Variants in SPEF2 observed in about 807,000 individuals in gnomAD.
The protein encoded by SPEF2 is sperm flagella and cilia-associated protein 2.
In SPEF2, 187 loss-of-function variants were observed where a neutral mutation model predicts 224.6. That is an observed-to-expected ratio of 0.83 (90% CI 0.74 to 0.94). The LOEUF (loss-of-function observed/expected upper bound fraction) is 0.94. Among genes scored for constraint, SPEF2 ranks in the 40% least tolerant of loss-of-function variants. The pLI, the probability that SPEF2 is intolerant of heterozygous loss-of-function variation, is 0.00. For synonymous variants in SPEF2, 715 were observed against 707.3 expected (o/e 1.01, Z -0.17); for missense variants, 2,170 against 2,135.6 (o/e 1.02, Z -0.32).
chr5:35,808,298 G>A (rs1432963402), intron 36 of SPEF2: 7 of 410,288 alleles, frequency 1.7e-5, no homozygotes, highest in African/African-American at 8.7e-5. Flanking sequence ...TGTGCACAAC[G>A]TGCAGGTTTG....
intron 2 of SPEF2, among the ~76,000 whole-genome samples, chr5:35,629,449 G>C (rs926684926): frequency 6.6e-6 from 1 of 151,984 alleles, no homozygotes; most frequent in East Asian, 1.9e-4. Context: ...GAGCCACCGC[G>C]CCCGGCCTGT....
chr5:35,697,836 C>A (rs1019693830), intron 15 of SPEF2, 43 bp downstream of exon 15: 16 of 1,374,610 alleles, frequency 1.2e-5, no homozygotes, highest in Non-Finnish European at 1.6e-5. Context: ...TTAATATATT[C>A]TTTATCACAC....
Position 35,793,299 on chromosome 5 carries a change from T to C in SPEF2, c.4695T>C (p.Asp1565=), listed in dbSNP as rs559781335. ...CCCTTCAGAAGTTCAAGGCTGTGGATAAGGAGCAGTTGGGCACCATCACTT... is the reference window on the plus strand; with the variant it reads ...CCCTTCAGAAGTTCAAGGCTGTGGACAAGGAGCAGTTGGGCACCATCACTT... ...LETLQKFKAV[D]KEQLGTITFE... The change falls in exon 32 of 37, where the codon GAT becomes GAC. Residue 1565 remains aspartate (D), a synonymous_variant. Coordinates refer to ENST00000356031, the MANE Select transcript of SPEF2 (RefSeq NM_024867.4). The C allele has an allele frequency of 4.3e-6, 7 of 1,614,136 alleles. No homozygotes were observed. The African/African-American group carries it at 8.0e-5, about 18-fold the overall frequency.
chr5:35,745,350 G>A (rs954928500), intron 23 of SPEF2, among the ~76,000 whole-genome samples: 11 of 152,134 alleles, frequency 7.2e-5, no homozygotes, highest in African/African-American at 2.7e-4. Context: ...TGCACATCCG[G>A]TGTGCAGACT....
chr5:35,644,900 A>G (rs997372846), intron 4 of SPEF2, among the ~76,000 whole-genome samples: 2 of 152,106 alleles, frequency 1.3e-5, no homozygotes, highest in Non-Finnish European at 2.9e-5. Flanking sequence ...AGATCAGACA[A>G]TGTCCTCTCG....
chr5:35,672,971 C>T (rs745466767), intron 10 of SPEF2, among the ~76,000 whole-genome samples: 1 of 152,126 alleles, frequency 6.6e-6, no homozygotes, highest in Non-Finnish European at 1.5e-5. Flanking sequence ...AAATTTGACT[C>T]ATGTCTTAAC....
intron 7 of SPEF2, among the ~76,000 whole-genome samples, chr5:35,658,564 A>G (rs1387334964): frequency 1.3e-5 from 2 of 152,008 alleles, no homozygotes; most frequent in African/African-American, 4.8e-5. Context: ...CATGCTTTTA[A>G]GTTTAGAGTT....
chr5:35,782,527 G>A (rs1016592618), intron 30 of SPEF2, among the ~76,000 whole-genome samples: 3 of 151,982 alleles, frequency 2.0e-5, no homozygotes, highest in Admixed American at 2.0e-4. Context: ...GGATTTTTTA[G>A]CAGATTTATA....
intron 23 of SPEF2, among the ~76,000 whole-genome samples, chr5:35,752,615 T>G (rs1337709807): frequency 5.5e-3 from 1 of 182 alleles, no homozygotes; most frequent in Non-Finnish European, 0.016. Context: ...TTATTATTAT[T>G]GCAAAAGCTG....
chr5:35,626,446 T>C (rs182096313), intron 1 of SPEF2, among the ~76,000 whole-genome samples: 619 of 152,336 alleles, frequency 4.1e-3, no homozygotes, highest in Non-Finnish European at 7.0e-3. Flanking sequence ...TGTTCTCACA[T>C]GAACTATAGC....
At chr5:35,697,580 A>T (rs931258997) in intron 14 of SPEF2, 110 bp from the exon 15 acceptor site, 32 of 787,930 alleles carry the variant, frequency 4.1e-5, no homozygotes, top group Non-Finnish European at 6.1e-5. Context: ...GTGCCACATG[A>T]TCAGTGTCAT....
At chr5:35,695,265 G>GGT (rs913782436) in intron 13 of SPEF2, among the ~76,000 whole-genome samples, 10 of 143,530 alleles carry the variant, frequency 7.0e-5, no homozygotes, top group African/African-American at 2.5e-4. Flanking sequence ...AAAACTTCTG[G>GGT]TTTTTTTTTT....
intron 36 of SPEF2, among the ~76,000 whole-genome samples, chr5:35,811,625 T>G (rs1046397747): frequency 1.1e-4 from 16 of 145,262 alleles, no homozygotes; most frequent in South Asian, 4.5e-4. Context: ...GTGGGGGGGG[T>G]GGGGTTTGTA....
In SPEF2 at chr5:35,727,729, C is replaced by G. The variant is rs1351244183; in HGVS notation, c.2969C>G (p.Ala990Gly). 1.2e-6 allele frequency: 2 copies of G among 1,613,758 alleles called. No individual in the cohort carries two copies. Among genetic ancestry groups the G allele is most frequent in the Non-Finnish European group, 1.7e-6 (2 of 1,179,830 alleles). The change falls in exon 21 of 37, where the codon GCT becomes GGT. Residue 990 changes from alanine to glycine, a missense_variant. Coordinates refer to ENST00000356031, the MANE Select transcript of SPEF2 (RefSeq NM_024867.4). ...GGKVPVKKSP[A>G]DSTDTSPVAI... ...AAAGTACCAGTAAAGAAATCACCTG[C>G]TGACTCTACAGATACATCACCTGTT...
chr5:35,641,821 T>G, intron 3 of SPEF2, 138 bp downstream of exon 3: 1 of 838,204 alleles, frequency 1.2e-6, no homozygotes, highest in Non-Finnish European at 1.8e-6. Context: ...TACTTGGGTT[T>G]TATTTTATAT....
chr5:35,644,127 G>T (rs1747007263), intron 3 of SPEF2, among the ~76,000 whole-genome samples: 1 of 151,992 alleles, frequency 6.6e-6, no homozygotes, highest in Non-Finnish European at 1.5e-5. Flanking sequence ...AACTATAAAA[G>T]TATATATGAG....
At chr5:35,769,989 A>ATATCTGTGTGTG (rs1554053681) in intron 26 of SPEF2, among the ~76,000 whole-genome samples, 2,734 of 142,326 alleles carry the variant, frequency 0.019, 70 homozygotes, top group Non-Finnish European at 0.023. Flanking sequence ...TGCCTCCATA[A>ATATCTGTGTGTG]TGTGTGTGTG....
intron 33 of SPEF2, among the ~76,000 whole-genome samples, chr5:35,796,952 G>A (rs1756752708): frequency 6.6e-6 from 1 of 152,156 alleles, no homozygotes; most frequent in Admixed American, 6.5e-5. Flanking sequence ...ATGTGAAACT[G>A]GGGGACTGAA....
chr5:35,641,023 A>C (rs1039330478), intron 2 of SPEF2, among the ~76,000 whole-genome samples: 1 of 152,198 alleles, frequency 6.6e-6, no homozygotes, highest in Non-Finnish European at 1.5e-5. Flanking sequence ...CTTTTCTGTA[A>C]AAAAGTTCCA....
Sources: gnomAD v4.1 joint callset for allele counts (sites outside exome capture counted in the v4.1 genomes callset) on GRCh38, gnomAD v4.1.1 for gene constraint, MANE v1.5 for transcripts, NCBI Gene and HGNC (gene_info 2026-07-23, HGNC 2026-07-21) for gene names.